Variants in PTH2R observed in about 807,000 individuals in gnomAD.
PTH2R encodes the protein parathyroid hormone 2 receptor.
A neutral mutation model predicts 60.3 loss-of-function variants in PTH2R; 59 were observed. That is an observed-to-expected ratio of 0.98 (90% CI 0.79 to 1.22). The LOEUF (loss-of-function observed/expected upper bound fraction) is 1.22. PTH2R is among the 50% of genes most tolerant of loss of function. PTH2R has a pLI of 0.00. For missense variants in PTH2R, 749 were observed against 682.6 expected (o/e 1.10, Z -1.08); for synonymous variants, 256 against 243.8 (o/e 1.05, Z -0.47).
chr2:208,453,105 A>G (rs1318971741), intron 8 of PTH2R, among the ~76,000 whole-genome samples: 1 of 152,212 alleles, frequency 6.6e-6, no homozygotes. Context: ...TTTTTCTCTT[A>G]TCTTCACTAT....
At chr2:208,450,711 A>C (rs1161471874) in intron 7 of PTH2R, 38 bp from the exon 8 acceptor site, 1 of 1,603,266 alleles carries the variant, frequency 6.2e-7, no homozygotes, top group Non-Finnish European at 8.5e-7. Context: ...CCTTAATCTT[A>C]AAATAAATCT....
intron 9 of PTH2R, among the ~76,000 whole-genome samples, chr2:208,478,492 C>G (rs953048135): frequency 6.6e-6 from 1 of 152,182 alleles, no homozygotes; most frequent in African/African-American, 2.4e-5. Flanking sequence ...CATCCTCACT[C>G]GAACACCCTT....
chr2:208,454,097 T>TTCAGTTGGCTCAAATGG (rs1702461945), intron 8 of PTH2R, among the ~76,000 whole-genome samples: 1 of 152,146 alleles, frequency 6.6e-6, no homozygotes, highest in Non-Finnish European at 1.5e-5. Context: ...AAATGGACTT[T>TTCAGTTGGCTCAAATGG]GGCCAGAGCC....
intron 1 of PTH2R, among the ~76,000 whole-genome samples, chr2:208,410,391 T>C (rs1701515839): frequency 6.6e-6 from 1 of 152,222 alleles, no homozygotes; most frequent in South Asian, 2.1e-4. Flanking sequence ...CCACCCCTCC[T>C]ACTGGTACCC....
In PTH2R at chr2:208,444,799, G is replaced by T. The variant is rs1177311678; in HGVS notation, c.765G>T (p.Leu255=). The change falls in exon 7 of 13, where the codon CTG becomes CTT. Residue 255 remains leucine, a synonymous_variant. Transcript: ENST00000272847. ...YFLATNYYWI[L]VEGLYLHNLI... ...TGGCTACAAATTATTATTGGATCCT[G>T]GTGGAAGGTCTCTACCTGCATAATC... 2 of 1,613,822 alleles carry T rather than the reference G, an allele frequency of 1.2e-6. No individual in the cohort carries two copies. The highest frequency in any genetic ancestry group is 1.7e-6 in the Non-Finnish European group (2 of 1,179,774).
chr2:208,482,009 A>G (rs1308056768), intron 10 of PTH2R, among the ~76,000 whole-genome samples: 2 of 152,222 alleles, frequency 1.3e-5, no homozygotes, highest in Admixed American at 6.5e-5. Context: ...TATTAGTGGC[A>G]TCTATCCAAC....
At position 208,476,280 on chromosome 2, in the gene PTH2R, T is replaced by C. The variant is rs561027308; in HGVS notation, c.982-4790T>C. On this transcript the variant is annotated intron_variant, in intron 9 of 12. Transcript: ENST00000272847. ...GGGTTGACTAGGAAGGAAGGAATTT[T>C]AAGAAAAATGGATAAAATTTAATCT... Among the ~76,000 whole-genome samples the C allele has an allele frequency of 7.7e-4, 117 of 152,272 alleles. 1 individual carries two copies. The highest frequency in any genetic ancestry group is 3.4e-3 in the Middle Eastern group (1 of 294).
intron 1 of PTH2R, among the ~76,000 whole-genome samples, chr2:208,421,156 C>T (rs984310089): frequency 2.6e-5 from 4 of 152,162 alleles, no homozygotes; most frequent in Admixed American, 1.3e-4. Context: ...TTAATGTTTT[C>T]ATTTAACTGT....
intron 9 of PTH2R, among the ~76,000 whole-genome samples, chr2:208,475,653 A>G (rs1371563403): frequency 6.6e-6 from 1 of 152,226 alleles, no homozygotes; most frequent in Non-Finnish European, 1.5e-5. Context: ...ATAACCCTCC[A>G]GAGAACTAAC....
At chr2:208,426,649 A>C (rs1701863367) in intron 1 of PTH2R, among the ~76,000 whole-genome samples, 1 of 152,186 alleles carries the variant, frequency 6.6e-6, no homozygotes, top group Non-Finnish European at 1.5e-5. Context: ...AGTTAGTCTC[A>C]TGAGATCTTG....
intron 9 of PTH2R, among the ~76,000 whole-genome samples, chr2:208,469,154 C>T (rs1053378691): frequency 7.9e-5 from 12 of 152,180 alleles, no homozygotes; most frequent in African/African-American, 2.7e-4. Flanking sequence ...ACCTGTCAAA[C>T]TGTGTCTTGA....
Position 208,408,722 on chromosome 2 carries a change from A to AAGAGAG in PTH2R, c.75+1616_75+1621dup, listed in dbSNP as rs760355788. Among the ~76,000 whole-genome samples the AAGAGAG allele has an allele frequency of 4.5e-3, 543 of 121,288 alleles. 6 individuals are homozygous for AAGAGAG. Among genetic ancestry groups the AAGAGAG allele is most frequent in the African/African-American group, 0.012 (308 of 26,544 alleles). The allele number at this position is 121,288 out of a possible 152,430, so 79.6% of individuals were successfully genotyped here. A position where few individuals can be genotyped will look rare whatever the true frequency, so the allele number is the denominator to read the frequency against. On this transcript the variant is annotated intron_variant, in intron 1 of 12. Transcript: ENST00000272847. ...GAAAGAAAAGAAAGAGAAGAAAGGA[A>AAGAGAG]AGAGAGAGAGAGAGAGAAAGAGAGA...
intron 2 of PTH2R, among the ~76,000 whole-genome samples, chr2:208,430,639 C>T (rs529124279): frequency 7.2e-5 from 11 of 152,050 alleles, no homozygotes; most frequent in Admixed American, 4.6e-4. Flanking sequence ...CTCCGCCTCC[C>T]GGGTTCACAC....
chr2:208,476,039 G>C (rs901519168), intron 9 of PTH2R, among the ~76,000 whole-genome samples: 4 of 152,080 alleles, frequency 2.6e-5, no homozygotes, highest in African/African-American at 9.7e-5. Context: ...CTGTCCCAAG[G>C]TATCTTAGGG....
At chr2:208,446,958 T>C (rs368753296) in intron 7 of PTH2R, among the ~76,000 whole-genome samples, 4 of 152,270 alleles carry the variant, frequency 2.6e-5, no homozygotes, top group Admixed American at 6.5e-5. Flanking sequence ...ACTGGCTTCA[T>C]TAGAGCAGAG....
At chr2:208,475,246 T>C (rs997038288) in intron 9 of PTH2R, among the ~76,000 whole-genome samples, 3 of 152,200 alleles carry the variant, frequency 2.0e-5, no homozygotes, top group Admixed American at 6.5e-5. Context: ...TGTCATAAAA[T>C]GTAAATGTAT....
rs1305682648 is a variant in PTH2R, at chr2:208,437,176, T to A, written c.179-361T>A. Among the ~76,000 whole-genome samples the A allele has an allele frequency of 3.3e-5, 5 of 152,336 alleles. No homozygotes were observed. The East Asian group carries it at 9.6e-4, about 29-fold the overall frequency. On this transcript the variant is annotated intron_variant, in intron 2 of 12. Transcript: ENST00000272847. The stretch of plus-strand genomic sequence containing the variant: ...TTAAAAACAGTTTTCAAGAATCTAG[T>A]GTAAAAATGTAGTTACAACTTTGGT...
At chr2:208,362,953 C>T (rs1700507791) in intron 1 of PTH2R, among the ~76,000 whole-genome samples, 1 of 152,082 alleles carries the variant, frequency 6.6e-6, no homozygotes, top group Admixed American at 6.6e-5. Context: ...AGCATCCTTC[C>T]ATATGCTTGT....
At chr2:208,373,386 C>G (rs1700738340) in intron 1 of PTH2R, among the ~76,000 whole-genome samples, 1 of 151,922 alleles carries the variant, frequency 6.6e-6, no homozygotes, top group Non-Finnish European at 1.5e-5. Flanking sequence ...CTTAGTGCAT[C>G]CTTGGAGTTA....
Sources: allele counts gnomAD v4.1 joint callset (sites outside exome capture counted in the v4.1 genomes callset), GRCh38; gene constraint gnomAD v4.1.1; transcripts MANE v1.5; gene names NCBI Gene and HGNC (gene_info 2026-07-23, HGNC 2026-07-21).